The following UGT1A6 variants were observed in gnomAD, a reference collection of about 807,000 sequenced individuals.
UGT1A6 encodes the protein UDP glucuronosyltransferase family 1 member A6.
In UGT1A6, 32 loss-of-function variants were observed where a neutral mutation model predicts 44.4. That is an observed-to-expected ratio of 0.72 (90% confidence interval 0.54 to 0.97). The LOEUF is 0.97. UGT1A6 is among the 50% of genes least tolerant of loss of function. The pLI, the probability that UGT1A6 is intolerant of heterozygous loss-of-function variation, is 0.00. For synonymous variants in UGT1A6, 238 were observed against 248.5 expected, an observed-to-expected ratio of 0.96 and a Z score of 0.40; for missense variants, 685 against 661.9, an observed-to-expected ratio of 1.03 and a Z score of -0.38.
intron 1 of UGT1A6, among the ~76,000 whole-genome samples, chr2:233,748,668 G>C (rs1413455817): frequency 6.6e-6 from 1 of 151,746 alleles, no homozygotes; most frequent in East Asian, 1.9e-4. Context: ...TTCCAGAGAG[G>C]GATCTGTGCT....
At chr2:233,743,761 G>A (rs767554453) in intron 1 of UGT1A6, 25 of 1,367,324 alleles carry the variant, frequency 1.8e-5, no homozygotes, top group Admixed American at 5.7e-5. Flanking sequence ...ACACCTCGTA[G>A]GCCTCGGCCA....
At chr2:233,699,864 G>C (rs2075528124) in intron 1 of UGT1A6, among the ~76,000 whole-genome samples, 1 of 152,162 alleles carries the variant, frequency 6.6e-6, no homozygotes, top group African/African-American at 2.4e-5. Flanking sequence ...TATGTCTGAA[G>C]ACATTTTTGG....
At chr2:233,737,829 G>A (rs1202229926) in intron 1 of UGT1A6, among the ~76,000 whole-genome samples, 2 of 151,976 alleles carry the variant, frequency 1.3e-5, no homozygotes, top group Admixed American at 6.6e-5. Context: ...AACAAATTGG[G>A]AACTGTGGCA....
At chr2:233,772,139 G>C in intron 4 of UGT1A6, 123 bp from the exon 5 acceptor site, 1 of 1,548,574 alleles carries the variant, frequency 6.5e-7, no homozygotes, top group Non-Finnish European at 8.7e-7. Context: ...AACAATAATA[G>C]AAACAGGTTT....
chr2:233,757,196 T>A (rs1166696212), intron 1 of UGT1A6, among the ~76,000 whole-genome samples: 4 of 150,888 alleles, frequency 2.7e-5, no homozygotes, highest in Admixed American at 6.6e-5. Flanking sequence ...CTCTGAATTT[T>A]CTGTGCCCAG....
At chr2:233,734,353 G>A (rs1251475810) in intron 1 of UGT1A6, among the ~76,000 whole-genome samples, 8 of 152,136 alleles carry the variant, frequency 5.3e-5, no homozygotes, top group Non-Finnish European at 1.2e-4. Flanking sequence ...TTGTATTTCT[G>A]TGGGATCGGT....
chr2:233,772,363 A>G lies in UGT1A6; in HGVS notation c.1403A>G (p.Lys468Arg). 1 of 1,614,238 alleles carries G rather than the reference A, an allele frequency of 6.2e-7. No homozygotes were observed. Among genetic ancestry groups the G allele is most frequent in the Non-Finnish European group, 8.5e-7 (1 of 1,180,044 alleles). Residue 468 changes from lysine to arginine, a missense_variant, in exon 5 of 5, where the codon AAG (lysine) becomes AGG (arginine). By Grantham distance (26) the Lys-to-Arg change is conservative. Coordinates refer to ENST00000305139, the MANE Select transcript of UGT1A6 (RefSeq NM_001072.4). ...TGGGTGGAGTTTGTGATGAGGCACA[A>G]GGGCGCGCCACACCTGCGCCCCGCA... Reference protein sequence around the residue: ...VFWVEFVMRHKGAPHLRPAAH... With the variant: ...VFWVEFVMRHRGAPHLRPAAH...
chr2:233,702,376 T>C (rs574692648), intron 1 of UGT1A6, among the ~76,000 whole-genome samples: 5 of 152,300 alleles, frequency 3.3e-5, no homozygotes, highest in African/African-American at 1.2e-4. Flanking sequence ...TTCGTAGGAT[T>C]TTCTACATTC....
At chr2:233,713,685 G>A (rs1039930586) in intron 1 of UGT1A6, 1 of 1,613,934 alleles carries the variant, frequency 6.2e-7, no homozygotes, top group South Asian at 1.1e-5. Flanking sequence ...TGCTCCTTAT[G>A]CAAGCCTTGC....
intron 1 of UGT1A6, chr2:233,729,465 T>A (rs757398194): frequency 5.6e-6 from 9 of 1,614,038 alleles, no homozygotes; most frequent in African/African-American, 2.7e-5. Flanking sequence ...TTTTCAGAAG[T>A]ATGGCAATGT....
intron 1 of UGT1A6, chr2:233,748,092 G>A (rs1693863465): frequency 6.2e-7 from 1 of 1,612,734 alleles, no homozygotes; most frequent in Non-Finnish European, 8.5e-7. Flanking sequence ...CGGTGTTCGT[G>A]CCTTCATCCA....
intron 1 of UGT1A6, among the ~76,000 whole-genome samples, chr2:233,749,222 T>C (rs1694145273): frequency 6.6e-6 from 1 of 151,946 alleles, no homozygotes; most frequent in Non-Finnish European, 1.5e-5. Context: ...CACTCTAAGC[T>C]TCATTTTTTA....
At chr2:233,747,030 G>A (rs1487472781) in intron 1 of UGT1A6, among the ~76,000 whole-genome samples, 1 of 151,896 alleles carries the variant, frequency 6.6e-6, no homozygotes, top group Non-Finnish European at 1.5e-5. Context: ...TTCCCGAAGT[G>A]GGACCCATAA....
chr2:233,729,695 C>A, intron 1 of UGT1A6: 1 of 1,613,928 alleles, frequency 6.2e-7, no homozygotes, highest in South Asian at 1.1e-5. Flanking sequence ...TGTCCAAACC[C>A]TTCCTCCTAT....
chr2:233,724,568 G>A (rs1015390355), intron 1 of UGT1A6, among the ~76,000 whole-genome samples: 3 of 128,090 alleles, frequency 2.3e-5, no homozygotes, highest in Admixed American at 7.6e-5. Context: ...ATGGGGCGGC[G>A]GGGCAGAGGC....
At chr2:233,710,359 A>T (rs1246560621) in intron 1 of UGT1A6, among the ~76,000 whole-genome samples, 1 of 152,246 alleles carries the variant, frequency 6.6e-6, no homozygotes, top group African/African-American at 2.4e-5. Context: ...CAAAGCAGTT[A>T]TACAATTTTA....
intron 1 of UGT1A6, among the ~76,000 whole-genome samples, chr2:233,725,356 T>C (rs148228009): frequency 7.0e-6 from 1 of 143,138 alleles, no homozygotes; most frequent in East Asian, 2.0e-4. Context: ...GAATGTTTCT[T>C]ATGAAGACAC....
At position 233,704,019 on chromosome 2, in the gene UGT1A6, C is replaced by G. The variant is rs566457131; in HGVS notation, c.861+10154C>G. On this transcript the variant is annotated intron_variant, in intron 1 of 4. Transcript: ENST00000305139. ...AGTTCTCCCACCTCAGCCGCCCGAG[C>G]AGCTGGAACTACAGGTGTGCACCAA... is the stretch of plus-strand genomic sequence containing the variant. 2.6e-5 allele frequency among the ~76,000 whole-genome samples: 4 copies of G among 151,986 alleles called. No homozygotes were observed. In the East Asian group the frequency reaches 5.8e-4, roughly 22 times the overall value.
At chr2:233,743,198 T>C in intron 1 of UGT1A6, 1 of 382,298 alleles carries the variant, frequency 2.6e-6, no homozygotes, top group Non-Finnish European at 5.2e-6. Context: ...TTACTTGGTG[T>C]CAATGCGGAG....
Sources: gnomAD v4.1 joint callset for allele counts (sites outside exome capture counted in the v4.1 genomes callset) on GRCh38, gnomAD v4.1.1 for gene constraint, MANE v1.5 for transcripts, NCBI Gene and HGNC (gene_info 2026-07-23, HGNC 2026-07-21) for gene names.